The following CHST11 variants were observed in gnomAD, a reference collection of about 807,000 sequenced individuals.
The protein encoded by CHST11 is carbohydrate sulfotransferase 11.
A neutral mutation model predicts 30.4 loss-of-function variants in CHST11; 9 were observed. The observed-to-expected ratio is 0.30, with a 90% CI of 0.18 to 0.52. The LOEUF is 0.52. Ranked by LOEUF, CHST11 falls within the 20% of genes least tolerant of loss-of-function variation. The pLI is 0.97. For missense variants in CHST11, 348 were observed against 460.6 expected (o/e 0.76, Z 2.24); for synonymous variants, 152 against 187.8 (o/e 0.81, Z 1.56).
In CHST11 at chr12:104,474,808, G is replaced by A. The variant is rs186408513; in HGVS notation, c.118+17279G>A. On this transcript the variant is annotated intron_variant, in intron 1 of 2. Coordinates refer to ENST00000303694, the MANE Select transcript of CHST11 (RefSeq NM_018413.6). ...TCCCAGTTCTTCTGCCCCCTTTGGG[G>A]ACCCCACATGTGTTACTAACAATGT... Among the ~76,000 whole-genome samples the A allele has an allele frequency of 4.5e-4, 68 of 152,332 alleles. No homozygotes were observed. In the East Asian group the frequency reaches 0.012, roughly 28 times the overall value.
At chr12:104,535,372 T>A (rs1213575624) in intron 1 of CHST11, among the ~76,000 whole-genome samples, 1 of 152,218 alleles carries the variant, frequency 6.6e-6, no homozygotes, top group African/African-American at 2.4e-5. Context: ...CCTTAGTGCC[T>A]CATGGGCTGC....
rs1469997902 is a variant in CHST11 at position 104,676,630 on chromosome 12, G to T, written c.204+74639G>T. Among the ~76,000 whole-genome samples, 1 of 152,190 alleles carries T rather than the reference G, an allele frequency of 6.6e-6. No individual in the cohort carries two copies. The highest frequency in any genetic ancestry group is 1.5e-5 in the Non-Finnish European group (1 of 68,038). On this transcript the variant is annotated intron_variant, in intron 2 of 2. Coordinates refer to ENST00000303694, the MANE Select transcript of CHST11 (RefSeq NM_018413.6). The surrounding 1 kb of genome is among the most constrained non-coding windows in gnomAD (Gnocchi z 4.4). ...GGGTTTCCCCATGTTGGCCAGGATG[G>T]TCTCGATCTCCTGACCTTGTGATCG...
At chr12:104,560,275 A>G (rs906101674) in intron 1 of CHST11, among the ~76,000 whole-genome samples, 5 of 152,220 alleles carry the variant, frequency 3.3e-5, no homozygotes, top group Middle Eastern at 3.2e-3. Context: ...TTGAAAAAAG[A>G]TAAGGCAGTT....
At chr12:104,475,911 A>ATG (rs71440547) in intron 1 of CHST11, among the ~76,000 whole-genome samples, 18,960 of 143,114 alleles carry the variant, frequency 0.13, 1,412 homozygotes, top group South Asian at 0.19. Flanking sequence ...ATATATATAT[A>ATG]TGACTTTTTT....
chr12:104,734,661 C>T (rs1315285931), intron 2 of CHST11, among the ~76,000 whole-genome samples: 3 of 152,136 alleles, frequency 2.0e-5, no homozygotes, highest in Admixed American at 6.5e-5. Context: ...TAGTTCATTC[C>T]ACCCTTCACC....
At position 104,492,860 on chromosome 12, in the gene CHST11, C is replaced by T. The variant is rs139305033; in HGVS notation, c.118+35331C>T. Among the ~76,000 whole-genome samples the T allele has an allele frequency of 6.5e-3, 985 of 152,168 alleles. 4 individuals are homozygous for T. The highest frequency in any genetic ancestry group is 8.9e-3 in the Non-Finnish European group (604 of 67,990). Reference sequence around the variant, plus strand: ...CAGCCTGACCAACATGGTGAAACCCCGTCTCTACTAAAAAATACAAAAATT... The same window carrying T: ...CAGCCTGACCAACATGGTGAAACCCTGTCTCTACTAAAAAATACAAAAATT... On this transcript the variant is annotated intron_variant, in intron 1 of 2. Coordinates refer to ENST00000303694, the MANE Select transcript of CHST11 (RefSeq NM_018413.6).
intron 2 of CHST11, among the ~76,000 whole-genome samples, chr12:104,662,161 T>C (rs775385635): frequency 1.2e-4 from 18 of 152,198 alleles, no homozygotes; most frequent in Non-Finnish European, 2.6e-4. Flanking sequence ...TTTCTTATCC[T>C]TGATGTCACA....
chr12:104,517,880 T>C (rs1435745361), intron 1 of CHST11, among the ~76,000 whole-genome samples: 2 of 152,230 alleles, frequency 1.3e-5, no homozygotes, highest in East Asian at 3.8e-4. Flanking sequence ...CTTTGTGTAG[T>C]GTCTAACACT....
chr12:104,753,651 T>G (rs2040452484), intron 2 of CHST11, among the ~76,000 whole-genome samples: 1 of 152,202 alleles, frequency 6.6e-6, no homozygotes, highest in South Asian at 2.1e-4. Context: ...TTCTGGAAGA[T>G]TCTCTGTGGG....
chr12:104,544,486 C>G (rs1221947519), intron 1 of CHST11, among the ~76,000 whole-genome samples: 2 of 151,924 alleles, frequency 1.3e-5, no homozygotes, highest in Admixed American at 6.5e-5. Context: ...GCGGGGGGAT[C>G]ACCTGAGGCC....
chr12:104,564,135 AC>A (rs1482664502), intron 1 of CHST11, among the ~76,000 whole-genome samples: 3 of 151,748 alleles, frequency 2.0e-5, no homozygotes, highest in African/African-American at 4.8e-5. Context: ...AAGGATGAGC[AC>A]CCCCCAGAGT....
At chr12:104,744,284 G>C (rs1250165983) in intron 2 of CHST11, among the ~76,000 whole-genome samples, 1 of 152,104 alleles carries the variant, frequency 6.6e-6, no homozygotes, top group African/African-American at 2.4e-5. Context: ...TGACTTTTTA[G>C]TAATAGCCAT....
intron 1 of CHST11, among the ~76,000 whole-genome samples, chr12:104,509,723 G>C (rs923981815): frequency 6.6e-6 from 1 of 152,176 alleles, no homozygotes; most frequent in Non-Finnish European, 1.5e-5. Context: ...TGGAATTCAT[G>C]GATAGGCATA....
At chr12:104,499,570 A>G (rs1338720358) in intron 1 of CHST11, among the ~76,000 whole-genome samples, 1 of 152,242 alleles carries the variant, frequency 6.6e-6, no homozygotes, top group Non-Finnish European at 1.5e-5. Context: ...GTGCTTTGAT[A>G]AATAGATACA....
chr12:104,475,688 A>T lies in CHST11; in HGVS notation c.118+18159A>T, dbSNP rs111892086. On this transcript the variant is annotated intron_variant, in intron 1 of 2. Transcript: ENST00000303694. Reference sequence around the variant, plus strand: ...TATATATATATATATATATATATATATATTTCTGATTATGAAATTAATTCA... The same window carrying T: ...TATATATATATATATATATATATATTTATTTCTGATTATGAAATTAATTCA... Among the ~76,000 whole-genome samples, 758 of 77,834 alleles carry T rather than the reference A, an allele frequency of 9.7e-3. 11 individuals carry two copies. Among genetic ancestry groups the T allele is most frequent in the Middle Eastern group, 0.033 (4 of 122 alleles). 51.1% of individuals were successfully genotyped at this position (77,834 alleles called of 152,430 possible).
intron 2 of CHST11, among the ~76,000 whole-genome samples, chr12:104,693,705 T>C (rs2039919316): frequency 6.6e-6 from 1 of 152,152 alleles, no homozygotes; most frequent in South Asian, 2.1e-4. Flanking sequence ...CAGGGAGGGC[T>C]TCCTGGAGGA....
chr12:104,601,016 C>T (rs1019173333), intron 1 of CHST11, among the ~76,000 whole-genome samples: 5 of 149,616 alleles, frequency 3.3e-5, no homozygotes, highest in Non-Finnish European at 5.9e-5. Context: ...CTTCTCCTTT[C>T]CTCCTTCCCT....
At chr12:104,533,693 C>T (rs1177673324) in intron 1 of CHST11, among the ~76,000 whole-genome samples, 5 of 152,178 alleles carry the variant, frequency 3.3e-5, no homozygotes, top group African/African-American at 4.8e-5. Context: ...CCAGAAGACA[C>T]TTGGAGTCTT....
rs185551152 is a variant in CHST11, at chr12:104,480,199, C to T, written c.118+22670C>T. Among the ~76,000 whole-genome samples, 74 of 152,048 alleles carry T rather than the reference C, an allele frequency of 4.9e-4. 1 individual carries two copies. Among genetic ancestry groups the T allele is most frequent in the African/African-American group, 1.4e-3 (57 of 41,394 alleles). ...CAGTGCACTGAGTTGATAGTGTCCC[C>T]GCCCCCCCCTCCAAATTCATGTTCT... On this transcript the variant is annotated intron_variant, in intron 1 of 2. Transcript: ENST00000303694.
Sources: allele counts gnomAD v4.1 joint callset (sites outside exome capture counted in the v4.1 genomes callset), GRCh38; gene constraint gnomAD v4.1.1; non-coding constraint Gnocchi (gnomAD v3.1); transcripts MANE v1.5; gene names NCBI Gene and HGNC (gene_info 2026-07-23, HGNC 2026-07-21).